Variants in MYO1H observed in about 807,000 individuals in gnomAD.
MYO1H encodes myosin IH.
In MYO1H, 118 loss-of-function variants were observed where a neutral mutation model predicts 149.3. The ratio of observed to expected loss-of-function variants is 0.79; its 90% CI spans 0.68 to 0.92. The LOEUF (loss-of-function observed/expected upper bound fraction) is 0.92. Ranked by LOEUF, MYO1H falls within the 40% of genes least tolerant of loss-of-function variation. MYO1H has a pLI of 0.00. For missense variants in MYO1H, 1,212 were observed against 1,280.7 expected (o/e 0.95, Z 0.82); for synonymous variants, 447 against 465.2 (o/e 0.96, Z 0.50).
intron 27 of MYO1H, among the ~76,000 whole-genome samples, 188 bp from the exon 28 acceptor site, chr12:109,443,326 A>ATGTGTACGTATATATGTG (rs1872316554): frequency 3.1e-5 from 2 of 65,502 alleles, no homozygotes; most frequent in Admixed American, 1.4e-4. Flanking sequence ...ATATGTGTGT[A>ATGTGTACGTATATATGTG]TGTATGTGTA....
At chr12:109,385,282 TTTTC>T (rs1031287003) in intron 1 of MYO1H, among the ~76,000 whole-genome samples, 31 of 150,308 alleles carry the variant, frequency 2.1e-4, no homozygotes, top group South Asian at 6.3e-4. Flanking sequence ...ATGTTTCTTT[TTTTC>T]TTTCTTTCTT....
intron 1 of MYO1H, among the ~76,000 whole-genome samples, chr12:109,385,722 C>A (rs1389747769): frequency 2.6e-5 from 4 of 151,902 alleles, no homozygotes; most frequent in Admixed American, 2.6e-4. Flanking sequence ...TTTTTTAAAA[C>A]TTTTTTTATG....
At chr12:109,381,959 A>T (rs541478235) in intron 1 of MYO1H, among the ~76,000 whole-genome samples, 95 of 152,208 alleles carry the variant, frequency 6.2e-4, no homozygotes, top group Non-Finnish European at 1.2e-3. Flanking sequence ...AAACTAGCAA[A>T]TCAAACATTT....
At chr12:109,313,639 C>T in the MYO1H span, among the ~76,000 whole-genome samples, 3 of 152,194 alleles carry the variant, frequency 2.0e-5, no homozygotes, top group African/African-American at 7.2e-5. Context: ...GTGATATCAT[C>T]CTACAACCTC....
chr12:109,377,910 C>A (rs56936802), intron 1 of MYO1H, among the ~76,000 whole-genome samples: 6,005 of 152,280 alleles, frequency 0.039, 138 homozygotes, highest in Middle Eastern at 0.054. Flanking sequence ...CCACTTGTTT[C>A]CCATAGCCAG....
the MYO1H span, among the ~76,000 whole-genome samples, chr12:109,310,545 T>C: frequency 2.0e-5 from 3 of 151,586 alleles, no homozygotes; most frequent in African/African-American, 4.8e-5. Context: ...TGGAGTTGTT[T>C]TGAGGCTGTC....
the MYO1H span, among the ~76,000 whole-genome samples, chr12:109,331,439 G>A: frequency 2.0e-5 from 3 of 147,492 alleles, no homozygotes; most frequent in Non-Finnish European, 3.0e-5. Context: ...GGCATGGGCC[G>A]AATCCCTTGA....
chr12:109,364,090 G>A (rs1269137670), intron 1 of MYO1H, among the ~76,000 whole-genome samples: 1 of 145,716 alleles, frequency 6.9e-6, no homozygotes, highest in Non-Finnish European at 1.5e-5. Context: ...AGAATTGTTT[G>A]AACCTGGGAG....
chr12:109,385,399 G>C (rs533084813), intron 1 of MYO1H, among the ~76,000 whole-genome samples: 5 of 116,552 alleles, frequency 4.3e-5, no homozygotes, highest in East Asian at 2.3e-4. Context: ...AGGTTCATGC[G>C]ATCCTCCCAC....
chr12:109,327,892 A>C, the MYO1H span, among the ~76,000 whole-genome samples: 1 of 151,910 alleles, frequency 6.6e-6, no homozygotes, highest in Non-Finnish European at 1.5e-5. Context: ...ACTAGCATTT[A>C]TTGACTGTTT....
chr12:109,410,948 C>T (rs115503915), intron 13 of MYO1H, among the ~76,000 whole-genome samples, 180 bp downstream of exon 13: 5,591 of 152,162 alleles, frequency 0.037, 109 homozygotes, highest in Middle Eastern at 0.058. Context: ...TAGAAAGCAG[C>T]CTGAACAGTA....
intron 6 of MYO1H, 44 bp from the exon 7 acceptor site, chr12:109,403,938 C>T: frequency 2.3e-6 from 3 of 1,316,236 alleles, no homozygotes; most frequent in Non-Finnish European, 3.3e-6. Flanking sequence ...GCTTAATTGC[C>T]CCTATAAAAA....
At chr12:109,415,427 G>T (rs1486334407) in intron 14 of MYO1H, 99 bp from the exon 15 acceptor site, 1 of 1,117,120 alleles carries the variant, frequency 9.0e-7, no homozygotes, top group Non-Finnish European at 1.3e-6. Flanking sequence ...CGTGAGCCAA[G>T]ATTGTGCCAC....
At chr12:109,435,305 G>C (rs2135594013) in intron 21 of MYO1H, among the ~76,000 whole-genome samples, 192 bp downstream of exon 21, 1 of 151,432 alleles carries the variant, frequency 6.6e-6, no homozygotes, top group South Asian at 2.1e-4. Flanking sequence ...GTCAGTCACA[G>C]ATGCAGGCAG....
the MYO1H span, among the ~76,000 whole-genome samples, chr12:109,327,683 T>G: frequency 1.4e-5 from 2 of 138,530 alleles, no homozygotes; most frequent in Non-Finnish European, 3.0e-5. Flanking sequence ...GAGGCAGAGG[T>G]TGCAGTGAGC....
chr12:109,432,967 A>G, exon 20 of MYO1H: 1 of 1,614,060 alleles, frequency 6.2e-7, no homozygotes, highest in African/African-American at 1.3e-5. Flanking sequence ...GGAACGGCTG[A>G]TCAAGTACAT....
At chr12:109,434,806 T>A (rs1244476129) in intron 20 of MYO1H, among the ~76,000 whole-genome samples, 1 of 152,180 alleles carries the variant, frequency 6.6e-6, no homozygotes, top group Non-Finnish European at 1.5e-5. Flanking sequence ...CGTGGGCTCC[T>A]CCCTGTGTCT....
chr12:109,384,113 A>G (rs552169330), intron 1 of MYO1H, among the ~76,000 whole-genome samples: 2 of 152,212 alleles, frequency 1.3e-5, no homozygotes, highest in Non-Finnish European at 2.9e-5. Flanking sequence ...CACAGGCCCT[A>G]TATTTGTGCC....
intron 1 of MYO1H, among the ~76,000 whole-genome samples, chr12:109,384,506 T>A (rs1256367305): frequency 6.6e-6 from 1 of 152,220 alleles, no homozygotes; most frequent in African/African-American, 2.4e-5. Context: ...CTCCTTTATG[T>A]CCCAATATTC....
Sources: allele counts gnomAD v4.1 joint callset (sites outside exome capture counted in the v4.1 genomes callset), GRCh38; gene constraint gnomAD v4.1.1; transcripts MANE v1.5; gene names NCBI Gene and HGNC (gene_info 2026-07-23, HGNC 2026-07-21).